Variants in CDH3 observed in about 807,000 individuals in gnomAD.
CDH3 encodes the protein cadherin-3.
Under a neutral mutation model 82.0 loss-of-function variants are expected in CDH3, and 54 were observed. The ratio of observed to expected loss-of-function variants is 0.66; its 90% confidence interval spans 0.53 to 0.83. The LOEUF is 0.83. Ranked by LOEUF, CDH3 falls within the 40% of genes least tolerant of loss-of-function variation. CDH3 has a pLI of 0.00. For synonymous variants in CDH3, 446 were observed against 437.9 expected, an observed-to-expected ratio of 1.02 and a Z score of -0.23; for missense variants, 1,054 against 1,084.6, an observed-to-expected ratio of 0.97 and a Z score of 0.40.
At chr16:68,657,887 G>A (rs576811314) in intron 2 of CDH3, among the ~76,000 whole-genome samples, 1 of 152,230 alleles carries the variant, frequency 6.6e-6, no homozygotes, top group Non-Finnish European at 1.5e-5. Context: ...ACGCTAGGAG[G>A]AGTAGAAGGT....
intron 1 of CDH3, among the ~76,000 whole-genome samples, chr16:68,714,555 A>G (rs1962069943): frequency 6.6e-6 from 1 of 152,098 alleles, no homozygotes; most frequent in Admixed American, 6.6e-5. Context: ...ATCTGTATGA[A>G]TACACCCAGC....
chr16:68,706,677 TG>T (rs1961969105), intron 1 of CDH3, among the ~76,000 whole-genome samples: 1 of 149,588 alleles, frequency 6.7e-6, no homozygotes, highest in African/African-American at 2.4e-5. Context: ...CTCAGCCTCC[TG>T]AGTAGCTGGG....
intron 1 of CDH3, among the ~76,000 whole-genome samples, chr16:68,705,880 A>G (rs1961954743): frequency 6.6e-6 from 1 of 151,622 alleles, no homozygotes; most frequent in African/African-American, 2.4e-5. Flanking sequence ...TCTGGCCAAC[A>G]CGGTGAAACC....
Position 68,679,643 on chromosome 16 carries a change from C to T in CDH3, c.692-156C>T, listed in dbSNP as rs1019374842. Among the ~76,000 whole-genome samples the T allele has an allele frequency of 1.7e-4, 21 of 122,762 alleles. No homozygotes were observed. The Admixed American group carries it at 2.3e-3, about 13-fold the overall frequency. 80.5% of individuals were successfully genotyped at this position (122,762 alleles called of 152,430 possible). On this transcript the variant is annotated intron_variant, in intron 6 of 15. Coordinates refer to ENST00000264012, the MANE Select transcript of CDH3 (RefSeq NM_001793.6). ...CCAGGAGGCAGAGGTTGCAGTGAGT[C>T]GAGATCACACCATTGCACTCCAGCC... is the stretch of plus-strand genomic sequence containing the variant.
At chr16:68,677,637 C>T (rs904492762) in intron 3 of CDH3, among the ~76,000 whole-genome samples, 1 of 152,210 alleles carries the variant, frequency 6.6e-6, no homozygotes, top group African/African-American at 2.4e-5. Context: ...ACTCAGGAGG[C>T]TGAGGCAGGA....
chr16:68,698,211 A>G lies in CDH3; in HGVS notation c.2301A>G (p.Thr767=). The stretch of plus-strand genomic sequence containing the variant: ...CGCAGAACCTGAAGGCGGCTAACAC[A>G]GACCCCACAGCCCCGCCCTACGACA... ...FIIENLKAAN[T]DPTAPPYDTL... Residue 767 remains threonine (T), a synonymous_variant, in exon 16 of 16, where the codon ACA becomes ACG. Coordinates refer to ENST00000264012, the MANE Select transcript of CDH3 (RefSeq NM_001793.6). The G allele has an allele frequency of 1.9e-6, 3 of 1,614,202 alleles. No individual in the cohort carries two copies. Among genetic ancestry groups the G allele is most frequent in the Non-Finnish European group, 2.5e-6 (3 of 1,180,042 alleles).
At chr16:68,704,245 C>A (rs1961932917), downstream of CDH3, among the ~76,000 whole-genome samples, 1 of 151,900 alleles carries the variant, frequency 6.6e-6, no homozygotes, top group Non-Finnish European at 1.5e-5. Flanking sequence ...CGAGATTGCG[C>A]CACTGCACTC....
In CDH3 at chr16:68,698,186, C is replaced by A. The variant is rs772143348; in HGVS notation, c.2281-5C>A. On this transcript the variant is annotated splice_region_variant and splice_polypyrimidine_tract_variant and intron_variant, in intron 15 of 15. Coordinates refer to ENST00000264012, the MANE Select transcript of CDH3 (RefSeq NM_001793.6). ...CTCCTAACTACCTGTTCTCTGTTGCCGCAGAACCTGAAGGCGGCTAACACA... is the reference window on the plus strand; with the variant it reads ...CTCCTAACTACCTGTTCTCTGTTGCAGCAGAACCTGAAGGCGGCTAACACA... The A allele has an allele frequency of 1.2e-6, 2 of 1,614,138 alleles. No individual in the cohort carries two copies. Among genetic ancestry groups the A allele is most frequent in the Admixed American group, 3.3e-5 (2 of 60,020 alleles).
chr16:68,685,751 G>A lies in CDH3; in HGVS notation c.1570+401G>A, dbSNP rs572068636. Among the ~76,000 whole-genome samples the A allele has an allele frequency of 5.3e-3, 815 of 152,362 alleles. 9 individuals are homozygous for A. The highest frequency in any genetic ancestry group is 0.019 in the African/African-American group (774 of 41,584). ...GAACCTGGGAGGTGGAGGCTACAGTGAGCCAAGATCGTGCCACTGCACTCC... is the reference window on the plus strand; with the variant it reads ...GAACCTGGGAGGTGGAGGCTACAGTAAGCCAAGATCGTGCCACTGCACTCC... On this transcript the variant is annotated intron_variant, in intron 11 of 15. Transcript: ENST00000264012.
chr16:68,663,239 T>C (rs187812132), intron 2 of CDH3, among the ~76,000 whole-genome samples: 260 of 150,344 alleles, frequency 1.7e-3, no homozygotes, highest in African/African-American at 6.0e-3. Context: ...TTTTTTTTTT[T>C]TCTGAGACGG....
rs187441669 is a variant in CDH3, at chr16:68,719,305, A to G, written c.100-3120A>G. 2.1e-4 allele frequency among the ~76,000 whole-genome samples: 32 copies of G among 152,162 alleles called. No individual in the cohort carries two copies. In the East Asian group the frequency reaches 5.0e-3, roughly 24 times the overall value. On this transcript the variant is annotated intron_variant, in intron 1 of 2. Coordinates refer to the CDH3 transcript ENST00000569080. ...CTATGAACTACAGACATACACAACAATATGCTCAAAAGCATTTTGCTAAGT... is the reference window on the plus strand; with the variant it reads ...CTATGAACTACAGACATACACAACAGTATGCTCAAAAGCATTTTGCTAAGT...
At chr16:68,670,741 T>C (rs1444659436) in intron 2 of CDH3, among the ~76,000 whole-genome samples, 1 of 152,258 alleles carries the variant, frequency 6.6e-6, no homozygotes, top group South Asian at 2.1e-4. Flanking sequence ...TAATGGATTC[T>C]TGAGGGACTT....
chr16:68,731,562 C>T (rs900935309), downstream of CDH3, among the ~76,000 whole-genome samples: 8 of 146,344 alleles, frequency 5.5e-5, no homozygotes, highest in Admixed American at 6.9e-5. Flanking sequence ...ACAATTTGGG[C>T]GTGATGGCTC....
At chr16:68,688,943 TCTCA>T (rs1245166167) in intron 12 of CDH3, among the ~76,000 whole-genome samples, 2 of 152,164 alleles carry the variant, frequency 1.3e-5, no homozygotes, top group African/African-American at 4.8e-5. Context: ...ATCTAGGCAG[TCTCA>T]CTCACCATGG....
chr16:68,730,642 G>A (rs1967089119), downstream of CDH3, among the ~76,000 whole-genome samples: 1 of 152,148 alleles, frequency 6.6e-6, no homozygotes, highest in African/African-American at 2.4e-5. Context: ...TTTACTAATG[G>A]CATGGGATCA....
chr16:68,733,679 G>C, the CDH3 span, among the ~76,000 whole-genome samples: 122,746 of 152,168 alleles, frequency 0.81, 50,252 homozygotes, highest in Non-Finnish European at 0.89. Flanking sequence ...GAGGCAGAGA[G>C]TGCAGTGAGC....
chr16:68,687,844 G>A, intron 12 of CDH3, 108 bp downstream of exon 12: 2 of 788,088 alleles, frequency 2.5e-6, no homozygotes, highest in Admixed American at 4.0e-5. Context: ...TGTGGGCCAT[G>A]GGGACAATGA....
chr16:68,690,966 C>T (rs544359380), intron 12 of CDH3, among the ~76,000 whole-genome samples: 1 of 151,744 alleles, frequency 6.6e-6, no homozygotes, highest in Non-Finnish European at 1.5e-5. Context: ...GGCTAGCTAT[C>T]AGCTGCTCTG....
chr16:68,706,656 G>A (rs1961968768), intron 1 of CDH3, among the ~76,000 whole-genome samples: 1 of 146,384 alleles, frequency 6.8e-6, no homozygotes, highest in African/African-American at 2.5e-5. Context: ...AGGTTCAAGC[G>A]ATTCTCGTGC....
Sources: allele counts gnomAD v4.1 joint callset (sites outside exome capture counted in the v4.1 genomes callset), GRCh38; gene constraint gnomAD v4.1.1; transcripts MANE v1.5; gene names NCBI Gene and HGNC (gene_info 2026-07-23, HGNC 2026-07-21).